Variants in CCL14 observed in about 807,000 individuals in gnomAD.
CCL14 encodes C-C motif chemokine ligand 14, also known as C-C motif chemokine 14.
CCL14 carries 8 observed loss-of-function variants against 8.2 expected under a neutral mutation model. That is an observed-to-expected ratio of 0.98 (90% CI 0.57 to 1.76). The LOEUF is 1.76. Among genes scored for constraint, CCL14 ranks in the 40% most tolerant of loss-of-function variants. The pLI is 0.00. For synonymous variants in CCL14, 50 were observed against 43.2 expected, an observed-to-expected ratio of 1.16 and a Z score of -0.62; for missense variants, 127 against 118.3, an observed-to-expected ratio of 1.07 and a Z score of -0.34.
Position 35,986,569 on chromosome 17 carries a change from A to C in CCL14, c.79+2T>G, listed in dbSNP as rs112067627. 2 of 1,612,124 alleles carry C rather than the reference A, an allele frequency of 1.2e-6. No individual in the cohort carries two copies. The highest frequency in any genetic ancestry group is 1.7e-6 in the Non-Finnish European group (2 of 1,178,256). On this transcript the variant is annotated splice_donor_variant, in intron 1 of 2. Transcript: ENST00000618404. LOFTEE classifies it high-confidence loss of function. ...GGAAGGAAGACAAGGCATTGCACTC[A>C]CGTGAGGAGGATTCAGTCTTGGTCC...
rs1389396792 is a variant in CCL14, at chr17:35,985,603, A to T, written c.79+968T>A. On this transcript the variant is annotated intron_variant, in intron 1 of 2. Transcript: ENST00000618404. ...GGGTCTCATCCTGTTTTCCAGCTCC[A>T]TTCCAGGCAGCATCCTCACGATCCA... The T allele has an allele frequency of 5.8e-6, 4 of 691,354 alleles. No homozygotes were observed. The East Asian group carries it at 1.1e-4, about 19-fold the overall frequency. The allele number at this position is 691,354 out of a possible 1,614,324, so 42.8% of individuals were successfully genotyped here. A position where few individuals can be genotyped will look rare whatever the true frequency, so the allele number is the denominator to read the frequency against.
rs142032662 is a variant in CCL14 at position 35,983,503 on chromosome 17, C to T, written c.*298G>A. 2.9e-3 allele frequency: 1,102 copies of T among 374,356 alleles called. 10 individuals are homozygous for T. Among genetic ancestry groups the T allele is most frequent in the Non-Finnish European group, 4.2e-3 (869 of 207,346 alleles). The allele number at this position is 374,356 out of a possible 1,614,324, so 23.2% of individuals were successfully genotyped here. A position where few individuals can be genotyped will look rare whatever the true frequency, so the allele number is the denominator to read the frequency against. ...CACTGCTTTTCTTTCTCACTTTCTG[C>T]TTCTCACTACCTGCATTGCAGGCCT... On this transcript the variant is annotated 3_prime_UTR_variant, in exon 3 of 3. Coordinates refer to ENST00000618404, the MANE Select transcript of CCL14 (RefSeq NM_032963.4).
chr17:35,983,977 C>A (rs2089714377), intron 2 of CCL14, 89 bp from the exon 3 acceptor site: 4 of 941,700 alleles, frequency 4.2e-6, no homozygotes, highest in Non-Finnish European at 3.5e-6. Context: ...AAATTCCCCA[C>A]CTGACCTATA....
At chr17:35,985,885 G>T (rs759759538) in intron 1 of CCL14, 81 of 1,100,510 alleles carry the variant, frequency 7.4e-5, no homozygotes, top group Non-Finnish European at 1.1e-4. Context: ...GCTGAGAAAA[G>T]GGGGCCTAGG....
chr17:35,985,900 A>G, intron 1 of CCL14: 1 of 899,018 alleles, frequency 1.1e-6, no homozygotes, highest in East Asian at 2.6e-5. Flanking sequence ...CCTAGGATGG[A>G]CCCCACACTG....
At chr17:35,985,641 A>G (rs2089754268) in intron 1 of CCL14, 1 of 930,310 alleles carries the variant, frequency 1.1e-6, no homozygotes, top group Non-Finnish European at 1.7e-6. Context: ...GAACGGCATA[A>G]GGGGCCCCTG....
In CCL14 at chr17:35,984,401, A is replaced by G; in HGVS notation, c.131T>C (p.Ile44Thr). The G allele has an allele frequency of 6.2e-7, 1 of 1,613,754 alleles. No homozygotes were observed. Among genetic ancestry groups the G allele is most frequent in the South Asian group, 1.1e-5 (1 of 91,056 alleles). Reference sequence around the variant, plus strand: ...GTAATCCATAATCCGCTGACGCGGGATCTTGTAGGTAGTGTAGGTGAAGCA... The same window carrying G: ...GTAATCCATAATCCGCTGACGCGGGGTCTTGTAGGTAGTGTAGGTGAAGCA... ...ECCFTYTTYKIPRQRIMDYYE... is the reference protein window; with the variant it reads ...ECCFTYTTYKTPRQRIMDYYE... Residue 44 changes from isoleucine to threonine, a missense_variant, in exon 2 of 3, where the codon ATC (isoleucine) becomes ACC (threonine). Transcript: ENST00000618404.
At chr17:35,986,243 C>T in intron 1 of CCL14, 1 of 386,592 alleles carries the variant, frequency 2.6e-6, no homozygotes. Context: ...TATTTGGAGA[C>T]TAGAGGGCAT....
intron 1 of CCL14, chr17:35,986,357 C>T: frequency 1.7e-6 from 1 of 572,998 alleles, no homozygotes; most frequent in Non-Finnish European, 3.1e-6. Flanking sequence ...AGTCCTAAGT[C>T]TCATCTCCAT....
chr17:35,984,908 C>T (rs1336628250), intron 1 of CCL14: 1 of 255,248 alleles, frequency 3.9e-6, no homozygotes, highest in East Asian at 7.3e-5. Context: ...AATGCAAACC[C>T]AGCCCCTCCT....
Position 35,986,718 on chromosome 17 carries a change from T to C in CCL14, c.-69A>G, listed in dbSNP as rs758839337. 108 of 1,166,300 alleles carry C rather than the reference T, an allele frequency of 9.3e-5. No individual in the cohort carries two copies. In the Admixed American group the frequency reaches 1.0e-3, roughly 11 times the overall value. 72.2% of individuals were successfully genotyped at this position (1,166,300 alleles called of 1,614,324 possible). On this transcript the variant is annotated 5_prime_UTR_variant, in exon 1 of 3. Transcript: ENST00000618404. ...CTTCAGAGGCTCCTGCGGTGAGGAA[T>C]TGTTGAGAAATGATCATTGAGGCCA...
rs755332753 is a variant in CCL14 at position 35,986,570 on chromosome 17, C to G, written c.79+1G>C. On this transcript the variant is annotated splice_donor_variant, in intron 1 of 2. Coordinates refer to ENST00000618404, the MANE Select transcript of CCL14 (RefSeq NM_032963.4). LOFTEE classifies it high-confidence loss of function. Reference sequence around the variant, plus strand: ...GAAGGAAGACAAGGCATTGCACTCACGTGAGGAGGATTCAGTCTTGGTCCC... The same window carrying G: ...GAAGGAAGACAAGGCATTGCACTCAGGTGAGGAGGATTCAGTCTTGGTCCC... 1.9e-6 allele frequency: 3 copies of G among 1,612,030 alleles called. No homozygotes were observed. Among genetic ancestry groups the G allele is most frequent in the Non-Finnish European group, 2.5e-6 (3 of 1,178,248 alleles).
intron 2 of CCL14, 64 bp downstream of exon 2, chr17:35,984,274 G>T: frequency 8.3e-7 from 1 of 1,203,626 alleles, no homozygotes; most frequent in Non-Finnish European, 1.2e-6. Context: ...ACCACTCCCT[G>T]CTTCCCTCCA....
Position 35,983,750 on chromosome 17 carries a change from A to C in CCL14, c.*51T>G. ...GGTGGGTGGAGGAGGGGGCCTTGGC[A>C]TCTTCTCTTTATGTCTCTGAGCTGT... is the stretch of plus-strand genomic sequence containing the variant. On this transcript the variant is annotated 3_prime_UTR_variant, in exon 3 of 3. Transcript: ENST00000618404. The C allele has an allele frequency of 7.5e-7, 1 of 1,324,570 alleles. No homozygotes were observed. Among genetic ancestry groups the C allele is most frequent in the African/African-American group, 1.4e-5 (1 of 69,466 alleles). 82.1% of individuals were successfully genotyped at this position (1,324,570 alleles called of 1,614,324 possible).
chr17:35,985,446 C>T (rs1047531826), intron 1 of CCL14: 1 of 390,902 alleles, frequency 2.6e-6, no homozygotes. Flanking sequence ...CCTGTACAAA[C>T]AGGCACATGT....
chr17:35,985,961 A>C (rs2089760847), intron 1 of CCL14: 1 of 606,242 alleles, frequency 1.6e-6, no homozygotes, highest in Non-Finnish European at 2.8e-6. Flanking sequence ...CACTGGGCAC[A>C]GGTGACGCTG....
chr17:35,984,307 C>A (rs370183552), intron 2 of CCL14, 31 bp downstream of exon 2: 2 of 1,502,560 alleles, frequency 1.3e-6, no homozygotes, highest in South Asian at 1.1e-5. Flanking sequence ...GGCTCCCTCT[C>A]CCCCCAGTGT....
chr17:35,985,965 G>C, intron 1 of CCL14: 1 of 598,686 alleles, frequency 1.7e-6, no homozygotes, highest in Non-Finnish European at 2.9e-6. Flanking sequence ...GGGCACAGGT[G>C]ACGCTGGAAG....
intron 1 of CCL14, chr17:35,985,655 C>T: frequency 8.8e-7 from 1 of 1,133,908 alleles, no homozygotes; most frequent in Non-Finnish European, 1.3e-6. Flanking sequence ...GCCCCTGTTT[C>T]CTGAGACCCA....
Sources: gnomAD v4.1 joint callset for allele counts on GRCh38, gnomAD v4.1.1 for gene constraint, MANE v1.5 for transcripts, NCBI Gene and HGNC (gene_info 2026-07-23, HGNC 2026-07-21) for gene names.